BRINP1: variants seen among roughly 807,000 people sequenced by gnomAD.
The protein encoded by BRINP1 is BMP/retinoic acid inducible neural specific 1.
BRINP1 carries 17 observed loss-of-function variants against 72.9 expected under a neutral mutation model. That is an observed-to-expected ratio of 0.23 (90% CI 0.16 to 0.35). BRINP1 has a LOEUF of 0.35. Ranked by LOEUF, BRINP1 falls within the 10% of genes least tolerant of loss-of-function variation. BRINP1 has a pLI of 1.00. For synonymous variants in BRINP1, 418 were observed against 378.5 expected (o/e 1.10, Z -1.21); for missense variants, 850 against 1,001.6 (o/e 0.85, Z 2.04).
At chr9:119,309,879 G>A (rs145409263) in intron 2 of BRINP1, among the ~76,000 whole-genome samples, 5 of 152,202 alleles carry the variant, frequency 3.3e-5, no homozygotes, top group Admixed American at 2.0e-4. Flanking sequence ...CTATGTTAGC[G>A]AACAGTAGTA....
chr9:119,356,675 C>T (rs571094791), intron 1 of BRINP1, among the ~76,000 whole-genome samples: 14 of 151,914 alleles, frequency 9.2e-5, no homozygotes, highest in African/African-American at 2.7e-4. Context: ...CATGGTGGTG[C>T]GTGCCTGTAA....
chr9:119,203,027 A>G (rs1385863616), intron 7 of BRINP1, among the ~76,000 whole-genome samples: 1 of 151,974 alleles, frequency 6.6e-6, no homozygotes, highest in African/African-American at 2.4e-5. Context: ...GTTCAGGGCC[A>G]TTTCCTGCAT....
chr9:119,366,540 GTGTGTGTGT>G, intron 1 of BRINP1, among the ~76,000 whole-genome samples: 1 of 150,316 alleles, frequency 6.7e-6, no homozygotes, highest in African/African-American at 2.5e-5. Context: ...GTGTGTGTGT[GTGTGTGTGT>G]GTGTGTGTGT....
At chr9:119,309,467 T>A (rs1478731529) in intron 2 of BRINP1, among the ~76,000 whole-genome samples, 2 of 152,182 alleles carry the variant, frequency 1.3e-5, no homozygotes, top group Non-Finnish European at 1.5e-5. Flanking sequence ...TATGGGACAA[T>A]AATAGTATTT....
chr9:119,338,930 G>A (rs899795391), intron 1 of BRINP1, among the ~76,000 whole-genome samples: 1 of 151,508 alleles, frequency 6.6e-6, no homozygotes, highest in Non-Finnish European at 1.5e-5. Context: ...AACACAGGGG[G>A]GTGGGGAGAA....
chr9:119,184,011 A>ATGTC (rs1829585991), intron 7 of BRINP1, among the ~76,000 whole-genome samples: 1 of 152,076 alleles, frequency 6.6e-6, no homozygotes, highest in Non-Finnish European at 1.5e-5. Context: ...TATAAGACTT[A>ATGTC]TGTCTATTTT....
chr9:119,324,775 C>T lies in BRINP1; in HGVS notation c.-50-11370G>A, dbSNP rs571510116. ...TACTGCCAAAAATTTCTACTGATTG[C>T]TACATGTGTATCTTACAAAAACATT... On this transcript the variant is annotated intron_variant, in intron 1 of 7. Coordinates refer to ENST00000265922, the MANE Select transcript of BRINP1 (RefSeq NM_014618.3). Among the ~76,000 whole-genome samples the T allele has an allele frequency of 9.9e-4, 151 of 152,196 alleles. 1 individual carries two copies. The highest frequency in any genetic ancestry group is 3.5e-3 in the African/African-American group (145 of 41,540).
chr9:119,345,148 C>T (rs1409349430), intron 1 of BRINP1, among the ~76,000 whole-genome samples: 4 of 152,104 alleles, frequency 2.6e-5, no homozygotes, highest in African/African-American at 9.7e-5. Context: ...TTGATTCCAC[C>T]CATGTTGTGT....
chr9:119,297,420 C>G (rs936761695), intron 2 of BRINP1, among the ~76,000 whole-genome samples: 1 of 152,022 alleles, frequency 6.6e-6, no homozygotes, highest in African/African-American at 2.4e-5. Context: ...TGCCTGGGTT[C>G]AAATCAGAGT....
intron 1 of BRINP1, among the ~76,000 whole-genome samples, chr9:119,320,248 C>T (rs1488739105): frequency 6.6e-6 from 1 of 152,098 alleles, no homozygotes; most frequent in African/African-American, 2.4e-5. Context: ...AACCAGGGCC[C>T]TGAGGCAGCT....
intron 7 of BRINP1, among the ~76,000 whole-genome samples, chr9:119,188,563 G>A (rs982643391): frequency 6.6e-6 from 1 of 152,048 alleles, no homozygotes; most frequent in African/African-American, 2.4e-5. Flanking sequence ...AAGAGTTTAA[G>A]AGCAGCCTGG....
intron 1 of BRINP1, among the ~76,000 whole-genome samples, chr9:119,352,693 C>T (rs1831518230): frequency 6.6e-6 from 1 of 152,218 alleles, no homozygotes; most frequent in Non-Finnish European, 1.5e-5. Context: ...AGGCGTGAGC[C>T]ACCATGCCTG....
chr9:119,172,295 G>T (rs1430246657), intron 7 of BRINP1, among the ~76,000 whole-genome samples: 3 of 151,860 alleles, frequency 2.0e-5, no homozygotes, highest in African/African-American at 7.3e-5. Flanking sequence ...ATGATAAAGG[G>T]GATATCACCA....
At chr9:119,303,428 G>A (rs538172382) in intron 2 of BRINP1, among the ~76,000 whole-genome samples, 25 of 152,196 alleles carry the variant, frequency 1.6e-4, no homozygotes, top group Admixed American at 1.2e-3. Flanking sequence ...ACAACCTGGC[G>A]AGCACGGTGC....
At chr9:119,362,339 T>C (rs1212207541) in intron 1 of BRINP1, among the ~76,000 whole-genome samples, 1 of 152,192 alleles carries the variant, frequency 6.6e-6, no homozygotes, top group Non-Finnish European at 1.5e-5. Flanking sequence ...ATACTGCCTG[T>C]GATCTCTGAG....
At chr9:119,280,277 C>T (rs918485433) in intron 2 of BRINP1, among the ~76,000 whole-genome samples, 7 of 150,898 alleles carry the variant, frequency 4.6e-5, no homozygotes, top group Admixed American at 2.6e-4. Flanking sequence ...CTCGCTCTAT[C>T]GCCCAGGCTG....
chr9:119,189,221 A>G (rs1829658126), intron 7 of BRINP1, among the ~76,000 whole-genome samples: 1 of 152,152 alleles, frequency 6.6e-6, no homozygotes. Flanking sequence ...GATCAGCACT[A>G]CAGAAAATCA....
chr9:119,271,177 A>G (rs1222733548), intron 2 of BRINP1, among the ~76,000 whole-genome samples: 3 of 152,144 alleles, frequency 2.0e-5, no homozygotes, highest in Non-Finnish European at 2.9e-5. Flanking sequence ...TATTTTAGGC[A>G]AAGGGAATAG....
At chr9:119,209,222 A>G (rs1829893331) in intron 6 of BRINP1, among the ~76,000 whole-genome samples, 1 of 152,208 alleles carries the variant, frequency 6.6e-6, no homozygotes. Context: ...TAATATTCGT[A>G]TATTATTACA....
Sources: allele counts gnomAD v4.1 joint callset (sites outside exome capture counted in the v4.1 genomes callset), GRCh38; gene constraint gnomAD v4.1.1; transcripts MANE v1.5; gene names NCBI Gene and HGNC (gene_info 2026-07-23, HGNC 2026-07-21).